KLHL12: variants seen among roughly 807,000 people sequenced by gnomAD.
KLHL12 encodes the protein kelch-like protein 12.
Under a neutral mutation model 60.8 loss-of-function variants are expected in KLHL12, and 17 were observed. That is an observed-to-expected ratio of 0.28 (90% confidence interval 0.19 to 0.42). The LOEUF (loss-of-function observed/expected upper bound fraction) is 0.42. KLHL12 is among the 10% of genes least tolerant of loss of function. The pLI, the probability that KLHL12 is intolerant of heterozygous loss-of-function variation, is 1.00. For missense variants in KLHL12, 468 were observed against 722.3 expected, an observed-to-expected ratio of 0.65 and a Z score of 4.04; for synonymous variants, 220 against 250.9, an observed-to-expected ratio of 0.88 and a Z score of 1.16.
intron 6 of KLHL12, among the ~76,000 whole-genome samples, chr1:202,908,259 G>A (rs1404006614): frequency 2.6e-5 from 4 of 152,160 alleles, no homozygotes; most frequent in Non-Finnish European, 5.9e-5. Flanking sequence ...TCATCTTAGT[G>A]GTAGACATAC....
intron 8 of KLHL12, 124 bp from the exon 9 acceptor site, chr1:202,894,873 G>C: frequency 1.3e-6 from 1 of 747,370 alleles, no homozygotes; most frequent in Non-Finnish European, 2.2e-6. Flanking sequence ...TTTTAAATGA[G>C]ATAAGTCAAT....
In KLHL12 at chr1:202,892,272, A is replaced by C; in HGVS notation, c.*261T>G. ...GAAATGACAGGAAAGTGCTCCCCAA[A>C]GCAGTGGGAGAGGCAATGTGGTCTC... On this transcript the variant is annotated 3_prime_UTR_variant, in exon 12 of 12. Coordinates refer to ENST00000367261, the MANE Select transcript of KLHL12 (RefSeq NM_021633.4). 1 of 422,714 alleles carries C rather than the reference A, an allele frequency of 2.4e-6. No homozygotes were observed. Among genetic ancestry groups the C allele is most frequent in the Non-Finnish European group, 4.3e-6 (1 of 231,198 alleles). The allele number at this position is 422,714 out of a possible 1,614,324, so 26.2% of individuals were successfully genotyped here.
rs115853273 is a variant in KLHL12, at chr1:202,914,023, T to C, written c.568-2820A>G. ...TCTACAGCAAAAAAGAACTGGCAGC[T>C]TGAGGAAATGACTAGAAGGCTAGTG... On this transcript the variant is annotated intron_variant, in intron 4 of 11. Transcript: ENST00000367261. 1.7e-3 allele frequency among the ~76,000 whole-genome samples: 256 copies of C among 152,208 alleles called. 2 individuals carry two copies. Among genetic ancestry groups the C allele is most frequent in the African/African-American group, 5.9e-3 (246 of 41,510 alleles).
At position 202,919,882 on chromosome 1, in the gene KLHL12, A is replaced by G; in HGVS notation, c.222T>C (p.Val74=). 1 of 1,613,774 alleles carries G rather than the reference A, an allele frequency of 6.2e-7. No homozygotes were observed. The highest frequency in any genetic ancestry group is 8.5e-7 in the Non-Finnish European group (1 of 1,179,784). The change falls in exon 3 of 12, where the codon GTT becomes GTC. Residue 74 remains valine, a synonymous_variant. Transcript: ENST00000367261. ...SELSEKGKPY[V]DIQGLTASTM... is the part of the protein sequence containing the mutation. The stretch of plus-strand genomic sequence containing the variant: ...TAGAGGCAGTCAAACCTTGGATGTC[A>G]ACATAAGGTTTCCCCTTCTCTGAGA...
chr1:202,924,221 T>C (rs1037307761), intron 2 of KLHL12, among the ~76,000 whole-genome samples: 1 of 152,160 alleles, frequency 6.6e-6, no homozygotes, highest in Non-Finnish European at 1.5e-5. Flanking sequence ...CAAGCCAACC[T>C]TTTCCTAATT....
In KLHL12 at chr1:202,909,158, G is replaced by T; in HGVS notation, c.718-34C>A. ...TAGCAGACAGCAGAGTTAGGCACTGGGGATACCTGTAATACTATAAGAGTA... is the reference window on the plus strand; with the variant it reads ...TAGCAGACAGCAGAGTTAGGCACTGTGGATACCTGTAATACTATAAGAGTA... On this transcript the variant is annotated intron_variant, in intron 5 of 11. Transcript: ENST00000367261. The surrounding 1 kb of genome is among the most constrained non-coding windows in gnomAD (Gnocchi z 4.1). 1 of 1,322,234 alleles carries T rather than the reference G, an allele frequency of 7.6e-7. No individual in the cohort carries two copies. Among genetic ancestry groups the T allele is most frequent in the Non-Finnish European group, 1.1e-6 (1 of 914,812 alleles). The allele number at this position is 1,322,234 out of a possible 1,614,324, so 81.9% of individuals were successfully genotyped here.
At chr1:202,912,413 A>G in intron 4 of KLHL12, 1 of 819,082 alleles carries the variant, frequency 1.2e-6, no homozygotes, top group Non-Finnish European at 2.1e-6. Flanking sequence ...GTGGTTCTGG[A>G]AACTTTGGTT....
At chr1:202,921,154 G>A (rs1660685680) in intron 2 of KLHL12, among the ~76,000 whole-genome samples, 2 of 151,372 alleles carry the variant, frequency 1.3e-5, no homozygotes, top group African/African-American at 2.4e-5. Flanking sequence ...GGGATTACAG[G>A]AGTACACCAC....
chr1:202,926,630 T>C (rs1571549195), intron 1 of KLHL12, among the ~76,000 whole-genome samples: 1 of 152,200 alleles, frequency 6.6e-6, no homozygotes, highest in Non-Finnish European at 1.5e-5. Context: ...AAAATGACAG[T>C]ACCCCGGTGC....
intron 4 of KLHL12, chr1:202,912,038 G>A: frequency 1.3e-6 from 1 of 785,084 alleles, no homozygotes; most frequent in South Asian, 1.3e-5. Flanking sequence ...ATGAATGCAA[G>A]GCCACACAAG....
At position 202,918,182 on chromosome 1, in the gene KLHL12, C is replaced by T. The variant is rs545172436; in HGVS notation, c.556G>A (p.Asp186Asn). Residue 186 changes from aspartate to asparagine, a missense_variant, in exon 4 of 12, where the codon GAC becomes AAC. By Grantham distance (23) the Asp-to-Asn change is conservative (BLOSUM62 1). Coordinates refer to ENST00000367261, the MANE Select transcript of KLHL12 (RefSeq NM_021633.4). The stretch of plus-strand genomic sequence containing the variant: ...AGACAAATCCGTACCTGAATTTCGT[C>T]GCACTTGATTAGCTTTTCCACCTCT... ...QGEVEKLIKC[D>N]EIQVDSEEPV... 18 of 1,612,668 alleles carry T rather than the reference C, an allele frequency of 1.1e-5. No individual in the cohort carries two copies. In the South Asian group the frequency reaches 1.3e-4, roughly 12 times the overall value.
intron 6 of KLHL12, among the ~76,000 whole-genome samples, chr1:202,898,378 C>T (rs150275818): frequency 7.0e-4 from 107 of 152,270 alleles, no homozygotes; most frequent in African/African-American, 2.5e-3. Flanking sequence ...AATGTAGTAC[C>T]TTGAAGCTGA....
chr1:202,909,125 CT>C lies in KLHL12; in HGVS notation c.718-2del. Reference sequence around the variant, plus strand: ...ATTGTAAACTACAGCGGATGAAAGGCTGAAATATAGCAGACAGCAGAGTTAG... The same window carrying C: ...ATTGTAAACTACAGCGGATGAAAGGCGAAATATAGCAGACAGCAGAGTTAG... On this transcript the variant is annotated splice_acceptor_variant, in intron 5 of 11. Coordinates refer to ENST00000367261, the MANE Select transcript of KLHL12 (RefSeq NM_021633.4). LOFTEE classifies it high-confidence loss of function. This position sits in a 1 kb window ranked among gnomAD's most constrained non-coding sequence, Gnocchi z 4.1. 5 of 1,603,716 alleles carry C rather than the reference CT, an allele frequency of 3.1e-6. No homozygotes were observed. The highest frequency in any genetic ancestry group is 4.3e-6 in the Non-Finnish European group (5 of 1,170,916).
At chr1:202,915,440 G>T (rs1469796128) in intron 4 of KLHL12, among the ~76,000 whole-genome samples, 2 of 151,896 alleles carry the variant, frequency 1.3e-5, no homozygotes, top group African/African-American at 4.8e-5. Context: ...TTTCTTTCCA[G>T]AAAAAAAGCA....
At chr1:202,926,411 T>C (rs1653557244) in intron 1 of KLHL12, among the ~76,000 whole-genome samples, 1 of 152,216 alleles carries the variant, frequency 6.6e-6, no homozygotes, top group Non-Finnish European at 1.5e-5. Flanking sequence ...CTGTTTGTAG[T>C]TGGCATTTTA....
chr1:202,907,161 T>C (rs144569049), intron 6 of KLHL12, among the ~76,000 whole-genome samples: 1 of 152,340 alleles, frequency 6.6e-6, no homozygotes, highest in African/African-American at 2.4e-5. Flanking sequence ...GAAAATACCA[T>C]CTACAATGCC....
At chr1:202,911,915 T>C (rs1660374491) in intron 4 of KLHL12, 26 of 820,924 alleles carry the variant, frequency 3.2e-5, no homozygotes, top group South Asian at 1.3e-4. Context: ...AGGAGCTATT[T>C]TGAGCAATGG....
intron 6 of KLHL12, among the ~76,000 whole-genome samples, chr1:202,906,764 C>A (rs1011898052): frequency 1.3e-5 from 2 of 152,048 alleles, no homozygotes; most frequent in African/African-American, 4.8e-5. Context: ...CGGGTTCAAG[C>A]GATTCTCCTG....
chr1:202,894,073 G>A (rs1659755839), intron 10 of KLHL12, 111 bp downstream of exon 10: 3 of 614,080 alleles, frequency 4.9e-6, no homozygotes, highest in African/African-American at 1.9e-5. Context: ...ACAAGGAGGA[G>A]AGCAGAATCT....
Sources: gnomAD v4.1 joint callset for allele counts (sites outside exome capture counted in the v4.1 genomes callset) on GRCh38, gnomAD v4.1.1 for gene constraint, Gnocchi (gnomAD v3.1) non-coding constraint, MANE v1.5 for transcripts, NCBI Gene and HGNC (gene_info 2026-07-23, HGNC 2026-07-21) for gene names.